The following DMD variants were observed in gnomAD, a reference collection of about 807,000 sequenced individuals.
DMD encodes the protein mutant dystrophin.
DMD carries 63 observed loss-of-function variants against 330.1 expected under a neutral mutation model. That is an observed-to-expected ratio of 0.19 (90% CI 0.16 to 0.24). DMD has a LOEUF of 0.24. DMD is among the 10% of genes least tolerant of loss of function. DMD has a pLI of 1.00. For missense variants in DMD, 3,344 were observed against 2,684.1 expected, an observed-to-expected ratio of 1.25 and a Z score of -5.43; for synonymous variants, 1,223 against 959.8, an observed-to-expected ratio of 1.27 and a Z score of -5.07.
chrX:33,094,471 G>C (rs1416264118), intron 1 of DMD, among the ~76,000 whole-genome samples: 1 of 111,837 alleles, frequency 8.9e-6, no homozygotes, highest in Non-Finnish European at 1.9e-5. Flanking sequence ...CCCAGACACA[G>C]AAATATGCAT....
chrX:33,191,946 T>G (rs1047868119), intron 1 of DMD, among the ~76,000 whole-genome samples: 1 of 112,150 alleles, frequency 8.9e-6, no homozygotes, highest in East Asian at 2.8e-4. Flanking sequence ...ACATGTGATA[T>G]GTAACAGCAG....
At chrX:32,168,899 T>C (rs1191426815) in intron 44 of DMD, among the ~76,000 whole-genome samples, 2 of 111,866 alleles carry the variant, frequency 1.8e-5, no homozygotes, top group Non-Finnish European at 3.8e-5. Context: ...CCTAAAGCCA[T>C]AGTTCGTCTG....
chrX:33,077,982 A>T (rs537675608), intron 1 of DMD, among the ~76,000 whole-genome samples: 1 of 112,443 alleles, frequency 8.9e-6, no homozygotes, highest in East Asian at 2.8e-4. Context: ...CAGCAAGAAT[A>T]ATTATTTTTC....
intron 9 of DMD, among the ~76,000 whole-genome samples, chrX:32,695,943 G>A (rs1248591936): frequency 9.0e-6 from 1 of 111,720 alleles, no homozygotes; most frequent in East Asian, 2.8e-4. Context: ...TTCATCAGTG[G>A]TAGAAAGTTA....
At chrX:33,200,431 A>C (rs985053003) in intron 1 of DMD, among the ~76,000 whole-genome samples, 2 of 111,331 alleles carry the variant, frequency 1.8e-5, no homozygotes, top group African/African-American at 6.5e-5. Context: ...TATGATAGAC[A>C]GAAAGACAAA....
At chrX:32,276,892 C>A (rs751762806) in intron 43 of DMD, among the ~76,000 whole-genome samples, 1 of 109,338 alleles carries the variant, frequency 9.1e-6, no homozygotes, top group African/African-American at 3.3e-5. Context: ...AGCACTCCAG[C>A]CTGGGCAACA....
At chrX:32,933,920 G>A (rs2089796089) in intron 2 of DMD, among the ~76,000 whole-genome samples, 1 of 111,720 alleles carries the variant, frequency 9.0e-6, no homozygotes, top group African/African-American at 3.3e-5. Context: ...GCCATTAGGT[G>A]TAGTCTTGCT....
chrX:32,636,859 G>A (rs1602386278), intron 11 of DMD, among the ~76,000 whole-genome samples: 1 of 109,795 alleles, frequency 9.1e-6, no homozygotes, highest in African/African-American at 3.3e-5. Flanking sequence ...TTAGCCGAGC[G>A]TGGTGGCGGG....
chrX:31,273,307 T>C (rs776157625), intron 62 of DMD, among the ~76,000 whole-genome samples: 32 of 112,360 alleles, frequency 2.8e-4, no homozygotes, highest in African/African-American at 1.0e-3. Context: ...GTCACTTTTC[T>C]TGAAACAAGT....
chrX:31,603,016 A>G (rs934140521), intron 55 of DMD, among the ~76,000 whole-genome samples: 2 of 111,652 alleles, frequency 1.8e-5, no homozygotes, highest in Admixed American at 1.9e-4. Flanking sequence ...CTAATGGGCT[A>G]TAAACAAATG....
chrX:31,642,857 G>C (rs1603435406), intron 54 of DMD, among the ~76,000 whole-genome samples: 1 of 111,966 alleles, frequency 8.9e-6, no homozygotes, highest in South Asian at 3.7e-4. Flanking sequence ...AATTGACACA[G>C]GATGGGACAG....
intron 62 of DMD, among the ~76,000 whole-genome samples, chrX:31,293,954 G>A (rs1295893298): frequency 1.8e-5 from 2 of 111,477 alleles, no homozygotes; most frequent in African/African-American, 3.3e-5. Flanking sequence ...CAAGGAGTTC[G>A]AGGTCAGCCT....
chrX:33,167,905 C>T (rs1380452859), intron 1 of DMD, among the ~76,000 whole-genome samples: 1 of 111,021 alleles, frequency 9.0e-6, no homozygotes, highest in Non-Finnish European at 1.9e-5. Context: ...CATTTAAAGG[C>T]TTTATAAAGA....
At chrX:32,856,936 T>A (rs1200393776) in intron 2 of DMD, among the ~76,000 whole-genome samples, 1 of 110,629 alleles carries the variant, frequency 9.0e-6, no homozygotes, top group East Asian at 2.9e-4. Flanking sequence ...TTAGGTGGGC[T>A]TGGTGGCGGG....
intron 6 of DMD, among the ~76,000 whole-genome samples, chrX:32,815,305 CA>C (rs113244283): frequency 0.029 from 2,022 of 69,328 alleles, 38 homozygotes; most frequent in African/African-American, 0.054. Context: ...GTAGAGTGGT[CA>C]AAAAAAAAAA....
Position 31,425,617 on chromosome X carries a change from G to C in DMD, c.9084+18864C>G, listed in dbSNP as rs779162289. Among the ~76,000 whole-genome samples the C allele has an allele frequency of 9.0e-5, 10 of 110,753 alleles. No individual in the cohort carries two copies. The South Asian group carries it at 3.8e-3, about 42-fold the overall frequency. ...AGAGGTTCAGTGAGATCCAGTTCTA[G>C]TTGACACATAAGAAGAAATTTGTTG... On this transcript the variant is annotated intron_variant, in intron 60 of 78. Transcript: ENST00000357033.
intron 2 of DMD, among the ~76,000 whole-genome samples, chrX:32,976,959 A>G (rs980074121): frequency 9.0e-6 from 1 of 111,413 alleles, no homozygotes; most frequent in African/African-American, 3.3e-5. Flanking sequence ...TTACAGGGTT[A>G]AAACCTATAC....
At chrX:31,201,974 C>G (rs776127090) in intron 67 of DMD, among the ~76,000 whole-genome samples, 7 of 111,507 alleles carry the variant, frequency 6.3e-5, no homozygotes, top group Non-Finnish European at 1.1e-4. Context: ...AGGTGGATTG[C>G]TTGAGATCAG....
At chrX:33,274,883 C>A (rs368051224) in intron 1 of DMD, among the ~76,000 whole-genome samples, 1 of 111,430 alleles carries the variant, frequency 9.0e-6, no homozygotes, top group Non-Finnish European at 1.9e-5. Context: ...AAGACTATTG[C>A]CTTCATAGCG....
Sources: gnomAD v4.1 joint callset for allele counts (sites outside exome capture counted in the v4.1 genomes callset) on GRCh38, gnomAD v4.1.1 for gene constraint, MANE v1.5 for transcripts, NCBI Gene and HGNC (gene_info 2026-07-23, HGNC 2026-07-21) for gene names.